AGMO: variants seen among roughly 807,000 people sequenced by gnomAD.
AGMO encodes the protein glyceryl-ether monooxygenase.
AGMO carries 75 observed loss-of-function variants against 60.2 expected under a neutral mutation model. The ratio of observed to expected loss-of-function variants is 1.25; its 90% CI spans 1.03 to 1.51. The LOEUF (loss-of-function observed/expected upper bound fraction) is 1.51. AGMO is among the 40% of genes most tolerant of loss of function. AGMO has a pLI of 0.00. For synonymous variants in AGMO, 261 were observed against 177.1 expected (o/e 1.47, Z -3.76); for missense variants, 763 against 525.5 (o/e 1.45, Z -4.42).
intron 1 of AGMO, among the ~76,000 whole-genome samples, chr7:15,560,931 G>C (rs1313007399): frequency 1.3e-5 from 2 of 152,114 alleles, no homozygotes; most frequent in Non-Finnish European, 2.9e-5. Context: ...AGATATCAGT[G>C]CCACTTTTTT....
chr7:15,463,781 C>A (rs1212724951), intron 3 of AGMO, among the ~76,000 whole-genome samples: 2 of 152,118 alleles, frequency 1.3e-5, no homozygotes, highest in African/African-American at 4.8e-5. Flanking sequence ...GTATACAGAA[C>A]TACTACAAGT....
the AGMO span, among the ~76,000 whole-genome samples, chr7:15,181,961 C>T: frequency 6.6e-6 from 1 of 151,974 alleles, no homozygotes; most frequent in African/African-American, 2.4e-5. Context: ...TGGAAGCAAC[C>T]CAAGTGTCCA....
intron 12 of AGMO, among the ~76,000 whole-genome samples, chr7:15,235,682 T>A (rs775077863): frequency 6.6e-6 from 1 of 152,154 alleles, no homozygotes; most frequent in Non-Finnish European, 1.5e-5. Context: ...GGGATTGTTA[T>A]AGCCACTAAT....
intron 2 of AGMO, among the ~76,000 whole-genome samples, chr7:15,550,460 C>G (rs965473344): frequency 6.6e-6 from 1 of 152,038 alleles, no homozygotes; most frequent in Non-Finnish European, 1.5e-5. Flanking sequence ...ATCAAATAGA[C>G]ACTATAAAAA....
intron 5 of AGMO, among the ~76,000 whole-genome samples, chr7:15,395,668 G>A (rs1489732929): frequency 1.3e-5 from 2 of 152,042 alleles, no homozygotes; most frequent in Admixed American, 6.5e-5. Flanking sequence ...GAAACAAAAT[G>A]GATATATAAA....
intron 12 of AGMO, among the ~76,000 whole-genome samples, chr7:15,337,910 A>C (rs1781714933): frequency 1.3e-5 from 2 of 152,222 alleles, no homozygotes; most frequent in South Asian, 4.1e-4. Context: ...TAGCTGCAGC[A>C]ATTAGCTGAG....
intron 5 of AGMO, among the ~76,000 whole-genome samples, chr7:15,398,831 C>CA (rs1401215001): frequency 6.6e-6 from 1 of 152,126 alleles, no homozygotes; most frequent in African/African-American, 2.4e-5. Context: ...AACTGAAGCT[C>CA]AGAGAGGTTA....
chr7:15,396,540 A>C (rs898158996), intron 5 of AGMO: 1 of 152,228 alleles, frequency 6.6e-6, no homozygotes, highest in African/African-American at 2.4e-5. Flanking sequence ...CAAAAGAACA[A>C]AGCTACCACA....
intron 10 of AGMO, among the ~76,000 whole-genome samples, chr7:15,380,578 C>T (rs1783638768): frequency 6.6e-6 from 1 of 152,088 alleles, no homozygotes; most frequent in Non-Finnish European, 1.5e-5. Context: ...TTTAAATGGC[C>T]ATATTGCTCA....
chr7:15,123,549 T>G, the AGMO span, among the ~76,000 whole-genome samples: 2 of 152,206 alleles, frequency 1.3e-5, no homozygotes, highest in South Asian at 4.1e-4. Context: ...CAATGCTCTC[T>G]AACATGTTAC....
intron 5 of AGMO, among the ~76,000 whole-genome samples, chr7:15,416,626 G>A (rs4472405): frequency 0.78 from 118,717 of 152,010 alleles, 47,152 homozygotes; most frequent in African/African-American, 0.93. Flanking sequence ...TCAGGAATAT[G>A]CAGGGCTCTT....
intron 10 of AGMO, among the ~76,000 whole-genome samples, chr7:15,378,074 T>C (rs1367309409): frequency 1.3e-5 from 2 of 152,048 alleles, no homozygotes; most frequent in South Asian, 2.1e-4. Context: ...CATTACATTT[T>C]CAAAAAACTT....
chr7:15,202,458 C>CAAAAAAACAAAA (rs1781317495), intron 12 of AGMO, among the ~76,000 whole-genome samples: 3 of 45,368 alleles, frequency 6.6e-5, no homozygotes, highest in African/African-American at 2.0e-4. Flanking sequence ...TACAAATGAG[C>CAAAAAAACAAAA]AAAAAAAAAA....
At chr7:15,515,078 C>G (rs1206916321) in intron 3 of AGMO, among the ~76,000 whole-genome samples, 1 of 152,146 alleles carries the variant, frequency 6.6e-6, no homozygotes, top group Non-Finnish European at 1.5e-5. Flanking sequence ...GGAAGTTAAA[C>G]CCTAGAGAAG....
At chr7:15,240,963 C>G (rs1393763576) in intron 12 of AGMO, among the ~76,000 whole-genome samples, 2 of 152,094 alleles carry the variant, frequency 1.3e-5, no homozygotes, top group Non-Finnish European at 2.9e-5. Context: ...CTAGGTCTTT[C>G]TCCATCTATT....
chr7:15,385,449 T>C lies in AGMO; in HGVS notation c.1071A>G (p.Thr357=). ...LAFYEETFAD[T]AALSQVTLLL... ...ACTTAAAATGGATATTACTTACAGC[T>C]GTATCTGCAAAGGTCTCTTCATAAA... The change falls in exon 10 of 13, where the codon ACA becomes ACG. Residue 357 remains threonine (T), a synonymous_variant. Coordinates refer to ENST00000342526, the MANE Select transcript of AGMO (RefSeq NM_001004320.2). 6.4e-7 allele frequency: 1 copy of C among 1,559,964 alleles called. No individual in the cohort carries two copies. The highest frequency in any genetic ancestry group is 8.8e-7 in the Non-Finnish European group (1 of 1,132,202).
the AGMO span, among the ~76,000 whole-genome samples, chr7:15,174,303 T>TAAA: frequency 1.3e-5 from 2 of 152,098 alleles, no homozygotes; most frequent in Admixed American, 1.3e-4. Flanking sequence ...TTAACCCTTT[T>TAAA]ACCTGAGAAG....
chr7:15,464,339 A>G (rs532148131), intron 3 of AGMO, among the ~76,000 whole-genome samples: 2 of 152,332 alleles, frequency 1.3e-5, no homozygotes, highest in East Asian at 1.9e-4. Context: ...TCTTTTAAAT[A>G]TTAAAAATAA....
At chr7:15,176,481 C>T in the AGMO span, among the ~76,000 whole-genome samples, 3 of 151,916 alleles carry the variant, frequency 2.0e-5, no homozygotes, top group Admixed American at 6.6e-5. Context: ...TTATTATTCA[C>T]TTTCTCTTGT....
Sources: gnomAD v4.1 joint callset for allele counts (sites outside exome capture counted in the v4.1 genomes callset) on GRCh38, gnomAD v4.1.1 for gene constraint, MANE v1.5 for transcripts, NCBI Gene and HGNC (gene_info 2026-07-23, HGNC 2026-07-21) for gene names.